The following TMEM222 variants were observed in gnomAD, a reference collection of about 807,000 sequenced individuals.
TMEM222 encodes the protein chromosome 1 open reading frame 160.
TMEM222 carries 18 observed loss-of-function variants against 25.1 expected under a neutral mutation model. The observed-to-expected ratio is 0.72, with a 90% CI of 0.50 to 1.06. The LOEUF is 1.06. Ranked by LOEUF, TMEM222 falls within the 50% of genes least tolerant of loss-of-function variation. The pLI is 0.00. For synonymous variants in TMEM222, 131 were observed against 117.9 expected, an observed-to-expected ratio of 1.11 and a Z score of -0.72; for missense variants, 296 against 293.7, an observed-to-expected ratio of 1.01 and a Z score of -0.06.
intron 3 of TMEM222, 100 bp downstream of exon 3, chr1:27,332,201 A>G (rs545829278): frequency 1.4e-6 from 2 of 1,431,338 alleles, no homozygotes; most frequent in African/African-American, 1.4e-5. Flanking sequence ...CACCCTGAGA[A>G]TAGAGTATTT....
intron 1 of TMEM222, among the ~76,000 whole-genome samples, chr1:27,328,872 G>A (rs1169980505): frequency 1.3e-5 from 2 of 152,168 alleles, no homozygotes; most frequent in Non-Finnish European, 2.9e-5. Context: ...GGTGCTTTAT[G>A]CTCGTGCCCA....
intron 1 of TMEM222, among the ~76,000 whole-genome samples, chr1:27,328,096 G>A (rs967711747): frequency 2.6e-5 from 4 of 152,338 alleles, no homozygotes; most frequent in Middle Eastern, 3.4e-3. Context: ...GATACTATGA[G>A]GGAAGTAAAG....
intron 5 of TMEM222, 37 bp from the exon 6 acceptor site, chr1:27,335,342 C>T (rs769688135): frequency 1.2e-6 from 2 of 1,603,930 alleles, no homozygotes; most frequent in East Asian, 2.2e-5. Context: ...GCTCACCAGG[C>T]CCTGCCCACC....
At chr1:27,331,797 G>A (rs1040602807) in intron 2 of TMEM222, among the ~76,000 whole-genome samples, 1 of 152,258 alleles carries the variant, frequency 6.6e-6, no homozygotes, top group Non-Finnish European at 1.5e-5. Flanking sequence ...ATTCCTGGGT[G>A]CCACACCAAG....
Position 27,322,235 on chromosome 1 carries a change from C to G in TMEM222, c.38C>G (p.Pro13Arg). The change falls in exon 1 of 6, where the codon CCG (proline) becomes CGG (arginine). Residue 13 changes from proline to arginine, a missense_variant. Coordinates refer to ENST00000374076, the MANE Select transcript of TMEM222 (RefSeq NM_032125.3). ...GAAGGGAGTTCTCTGCTCTTGTTGCCGCCGCCGCCACCCCCGCCCAGGATG... is the reference window on the plus strand; with the variant it reads ...GAAGGGAGTTCTCTGCTCTTGTTGCGGCCGCCGCCACCCCCGCCCAGGATG... ...EAEGSSLLLL[P>R]PPPPPPRMAE... The G allele has an allele frequency of 1.4e-6, 2 of 1,457,468 alleles. No homozygotes were observed. Among genetic ancestry groups the G allele is most frequent in the Non-Finnish European group, 9.1e-7 (1 of 1,098,516 alleles). 90.3% of individuals were successfully genotyped at this position (1,457,468 alleles called of 1,614,324 possible). A position where few individuals can be genotyped will look rare whatever the true frequency, so the allele number is the denominator to read the frequency against.
chr1:27,332,624 C>T (rs1294229123), intron 3 of TMEM222: 3 of 670,286 alleles, frequency 4.5e-6, no homozygotes, highest in African/African-American at 1.8e-5. Flanking sequence ...GGGTGCCCAC[C>T]TCAGCTGTGG....
intron 1 of TMEM222, among the ~76,000 whole-genome samples, chr1:27,324,602 A>T (rs374366252): frequency 6.6e-6 from 1 of 152,212 alleles, no homozygotes; most frequent in Non-Finnish European, 1.5e-5. Flanking sequence ...CAAAGGGTTC[A>T]TGTTCCCTTC....
chr1:27,333,852 C>T lies in TMEM222; in HGVS notation c.312-106C>T, dbSNP rs2014539000. 4.0e-6 allele frequency: 4 copies of T among 989,562 alleles called. No individual in the cohort carries two copies. The East Asian group carries it at 1.0e-4, about 26-fold the overall frequency. 61.3% of individuals were successfully genotyped at this position (989,562 alleles called of 1,614,324 possible). The stretch of plus-strand genomic sequence containing the variant: ...CCCAGATCTGGCTTACTGTACATCT[C>T]AGCACCCAGCTCAGGCCCGGGCACA... On this transcript the variant is annotated intron_variant, in intron 3 of 5. Coordinates refer to ENST00000374076, the MANE Select transcript of TMEM222 (RefSeq NM_032125.3).
chr1:27,329,178 C>CA (rs2014421434), intron 1 of TMEM222, among the ~76,000 whole-genome samples: 2 of 151,936 alleles, frequency 1.3e-5, no homozygotes, highest in Non-Finnish European at 2.9e-5. Context: ...TGAACTCCCC[C>CA]ACCCATACTG....
At chr1:27,330,539 G>A (rs896353129) in intron 1 of TMEM222, among the ~76,000 whole-genome samples, 181 bp from the exon 2 acceptor site, 1 of 152,192 alleles carries the variant, frequency 6.6e-6, no homozygotes, top group African/African-American at 2.4e-5. Flanking sequence ...ATCCCATTGT[G>A]CTGTCGGTTT....
At chr1:27,324,778 G>A (rs2014299295) in intron 1 of TMEM222, among the ~76,000 whole-genome samples, 1 of 152,138 alleles carries the variant, frequency 6.6e-6, no homozygotes, top group African/African-American at 2.4e-5. Context: ...GGGGGAGGGA[G>A]GCATCTCACA....
Position 27,334,100 on chromosome 1 carries a change from G to T in TMEM222, c.408+46G>T, listed in dbSNP as rs185028940. On this transcript the variant is annotated intron_variant, in intron 4 of 5. Coordinates refer to ENST00000374076, the MANE Select transcript of TMEM222 (RefSeq NM_032125.3). ...CCGGCACTCCCCAGGTGGGGACCAGGGGGGAGGCTCCCCTGCAGCCCATCC... is the reference window on the plus strand; with the variant it reads ...CCGGCACTCCCCAGGTGGGGACCAGTGGGGAGGCTCCCCTGCAGCCCATCC... 41 of 1,613,876 alleles carry T rather than the reference G, an allele frequency of 2.5e-5. 1 individual carries two copies. The highest frequency in any genetic ancestry group is 1.2e-4 in the Admixed American group (7 of 59,990).
intron 1 of TMEM222, chr1:27,325,470 G>C (rs2014319650): frequency 7.1e-7 from 1 of 1,405,616 alleles, no homozygotes; most frequent in South Asian, 1.2e-5. Context: ...TTCCTTCCTG[G>C]GTATGGAATC....
chr1:27,330,620 T>A, intron 1 of TMEM222, 100 bp from the exon 2 acceptor site: 1 of 997,676 alleles, frequency 1.0e-6, no homozygotes, highest in Non-Finnish European at 1.6e-6. Flanking sequence ...TGAAACGTAA[T>A]ATTCACATGC....
Position 27,322,333 on chromosome 1 carries a change from G to A in TMEM222, c.136G>A (p.Asp46Asn). The change falls in exon 1 of 6, where the codon GAT becomes AAT. Residue 46 changes from aspartate to asparagine, a missense_variant. By Grantham distance (23) the Asp-to-Asn change is conservative. Transcript: ENST00000374076. Reference sequence around the variant, plus strand: ...TCAAGGCTCCGGCGGCGTCGCCATGGATGTGGAACGGAGTCGCTTCCCCTA... The same window carrying A: ...TCAAGGCTCCGGCGGCGTCGCCATGAATGTGGAACGGAGTCGCTTCCCCTA... ...QYQGSGGVAM[D>N]VERSRFPYCV... 1 of 1,542,904 alleles carries A rather than the reference G, an allele frequency of 6.5e-7. No homozygotes were observed. The highest frequency in any genetic ancestry group is 8.8e-7 in the Non-Finnish European group (1 of 1,140,822).
intron 3 of TMEM222, chr1:27,333,408 G>A (rs747724679): frequency 2.1e-6 from 1 of 471,018 alleles, no homozygotes; most frequent in Admixed American, 2.3e-5. Flanking sequence ...GTCCGTTCTG[G>A]CTGCCATAAC....
chr1:27,326,564 C>T (rs2014356019), intron 1 of TMEM222, among the ~76,000 whole-genome samples: 1 of 152,118 alleles, frequency 6.6e-6, no homozygotes, highest in South Asian at 2.1e-4. Context: ...TTAATAGCTG[C>T]TGCTACTAAT....
At chr1:27,322,710 A>G (rs1042304169) in intron 1 of TMEM222, among the ~76,000 whole-genome samples, 1 of 152,162 alleles carries the variant, frequency 6.6e-6, no homozygotes, top group Non-Finnish European at 1.5e-5. Context: ...AGACATTTTT[A>G]TTAATTCACT....
rs748474785 is a variant in TMEM222 at position 27,322,227 on chromosome 1, C to G, written c.30C>G (p.Leu10=). MAEAEGSSL[L]LLPPPPPPPR... The stretch of plus-strand genomic sequence containing the variant: ...CGGAAGCGGAAGGGAGTTCTCTGCT[C>G]TTGTTGCCGCCGCCGCCACCCCCGC... Residue 10 remains leucine (L), a synonymous_variant, in exon 1 of 6, where the codon CTC becomes CTG. Transcript: ENST00000374076. 7 of 1,453,964 alleles carry G rather than the reference C, an allele frequency of 4.8e-6. No individual in the cohort carries two copies. In the Admixed American group the frequency reaches 1.4e-4, roughly 29 times the overall value. 90.1% of individuals were successfully genotyped at this position (1,453,964 alleles called of 1,614,324 possible). A position where few individuals can be genotyped will look rare whatever the true frequency, so the allele number is the denominator to read the frequency against.
Sources: allele counts gnomAD v4.1 joint callset (sites outside exome capture counted in the v4.1 genomes callset), GRCh38; gene constraint gnomAD v4.1.1; transcripts MANE v1.5; gene names NCBI Gene and HGNC (gene_info 2026-07-23, HGNC 2026-07-21).